SUPT3H: variants seen among roughly 807,000 people sequenced by gnomAD.
SUPT3H encodes the protein SPT3 homolog, SAGA and STAGA complex component.
Under a neutral mutation model 44.3 loss-of-function variants are expected in SUPT3H, and 44 were observed. That is an observed-to-expected ratio of 0.99 (90% CI 0.78 to 1.28). The LOEUF is 1.28. Among genes scored for constraint, SUPT3H ranks in the 50% most tolerant of loss-of-function variants. The pLI is 0.00. For synonymous variants in SUPT3H, 124 were observed against 125.6 expected (o/e 0.99, Z 0.09); for missense variants, 380 against 387.1 (o/e 0.98, Z 0.15).
At chr6:45,276,826 C>T (rs1777109192) in intron 2 of SUPT3H, among the ~76,000 whole-genome samples, 1 of 152,220 alleles carries the variant, frequency 6.6e-6, no homozygotes, top group South Asian at 2.1e-4. Context: ...GAGGACTTAA[C>T]TGTTGCATGC....
chr6:44,858,793 C>T (rs1466497849), intron 10 of SUPT3H, among the ~76,000 whole-genome samples: 1 of 152,112 alleles, frequency 6.6e-6, no homozygotes, highest in African/African-American at 2.4e-5. Context: ...AGCTTTGTTC[C>T]TATGGCTGTC....
chr6:45,014,766 G>A (rs1783994403), intron 5 of SUPT3H, 35 bp downstream of exon 5: 1 of 1,420,926 alleles, frequency 7.0e-7, no homozygotes, highest in Non-Finnish European at 9.6e-7. Flanking sequence ...TGTGTCATAA[G>A]CTCATGTTTT....
intron 1 of SUPT3H, among the ~76,000 whole-genome samples, chr6:45,372,270 T>C (rs189414072): frequency 3.0e-4 from 46 of 152,308 alleles, no homozygotes; most frequent in Admixed American, 2.9e-3. Context: ...ATAGGTTACA[T>C]AAAATAACAT....
intron 10 of SUPT3H, among the ~76,000 whole-genome samples, chr6:44,929,673 A>G (rs190000790): frequency 6.6e-6 from 1 of 152,054 alleles, no homozygotes; most frequent in East Asian, 1.9e-4. Context: ...AAGTGTCCCC[A>G]CTGCAGCTTA....
intron 1 of SUPT3H, chr6:45,371,966 A>C: frequency 1.2e-6 from 1 of 820,078 alleles, no homozygotes; most frequent in Non-Finnish European, 1.5e-6. Flanking sequence ...GCTGGGACTA[A>C]AACTGAGGTC....
At chr6:45,137,528 AAAGAG>A (rs1804501836) in intron 2 of SUPT3H, among the ~76,000 whole-genome samples, 1 of 151,974 alleles carries the variant, frequency 6.6e-6, no homozygotes, top group African/African-American at 2.4e-5. Context: ...ACAGAACAAA[AAAGAG>A]AAGGAGAATA....
intron 6 of SUPT3H, among the ~76,000 whole-genome samples, chr6:45,000,000 T>C (rs1477788717): frequency 1.3e-5 from 2 of 152,012 alleles, no homozygotes; most frequent in East Asian, 3.9e-4. Context: ...TTTCTATTTC[T>C]ATATATGTAT....
intron 3 of SUPT3H, among the ~76,000 whole-genome samples, chr6:45,100,582 C>T (rs934103704): frequency 3.7e-5 from 3 of 80,848 alleles, no homozygotes; most frequent in African/African-American, 1.7e-4. Context: ...AAATAGCCCA[C>T]AGTACATGAA....
At chr6:45,084,900 G>A (rs1796297303) in intron 3 of SUPT3H, among the ~76,000 whole-genome samples, 1 of 152,110 alleles carries the variant, frequency 6.6e-6, no homozygotes, top group Non-Finnish European at 1.5e-5. Flanking sequence ...CTGTTAGTGG[G>A]AGCTAAACAC....
chr6:44,881,868 T>G (rs1186336117), intron 10 of SUPT3H, among the ~76,000 whole-genome samples: 6 of 152,164 alleles, frequency 3.9e-5, no homozygotes, highest in Admixed American at 3.9e-4. Context: ...CAAGAATCTC[T>G]GGGACACAGC....
intron 2 of SUPT3H, among the ~76,000 whole-genome samples, chr6:45,115,717 G>T (rs1249778034): frequency 2.0e-5 from 3 of 152,100 alleles, no homozygotes; most frequent in East Asian, 3.9e-4. Flanking sequence ...ACATGATGAT[G>T]GTGGTGATAA....
At chr6:44,821,250 T>C (rs893473952) in intron 11 of SUPT3H, among the ~76,000 whole-genome samples, 7 of 152,210 alleles carry the variant, frequency 4.6e-5, no homozygotes, top group African/African-American at 1.7e-4. Flanking sequence ...CGAGTACTCA[T>C]GGTATGCACA....
chr6:45,171,993 T>C (rs920435251), intron 2 of SUPT3H, among the ~76,000 whole-genome samples: 4 of 143,308 alleles, frequency 2.8e-5, no homozygotes, highest in African/African-American at 1.0e-4. Context: ...TGGGATTACA[T>C]GCGTGAGCCA....
chr6:45,128,626 A>G (rs553008698), intron 2 of SUPT3H, among the ~76,000 whole-genome samples: 1 of 147,162 alleles, frequency 6.8e-6, no homozygotes, highest in Non-Finnish European at 1.5e-5. Flanking sequence ...ACATATATAT[A>G]CACACACAAT....
chr6:45,336,580 TTTAA>T (rs1233482563), intron 2 of SUPT3H, among the ~76,000 whole-genome samples: 1 of 151,510 alleles, frequency 6.6e-6, no homozygotes, highest in Non-Finnish European at 1.5e-5. Context: ...TGCTAAATTA[TTTAA>T]TTATTAAATG....
intron 2 of SUPT3H, among the ~76,000 whole-genome samples, chr6:45,220,723 C>A (rs1452515919): frequency 2.6e-5 from 4 of 152,118 alleles, no homozygotes; most frequent in Non-Finnish European, 5.9e-5. Flanking sequence ...ACAGAGTGAA[C>A]CCTAGAAGAA....
At chr6:44,995,237 T>C (rs910899440) in intron 6 of SUPT3H, among the ~76,000 whole-genome samples, 4 of 152,064 alleles carry the variant, frequency 2.6e-5, no homozygotes, top group Non-Finnish European at 5.9e-5. Flanking sequence ...TAGATGTTAC[T>C]GCATTTATAC....
chr6:45,107,506 A>G (rs530626024), intron 2 of SUPT3H, among the ~76,000 whole-genome samples: 3 of 152,158 alleles, frequency 2.0e-5, no homozygotes, highest in Non-Finnish European at 4.4e-5. Context: ...AGCTTTGAGT[A>G]GGAGAGGAAA....
At chr6:45,050,278 A>AGTGTGTGT (rs57510967) in intron 3 of SUPT3H, among the ~76,000 whole-genome samples, 11,501 of 147,266 alleles carry the variant, frequency 0.078, 953 homozygotes, top group African/African-American at 0.21. Context: ...CTTTTTCTGC[A>AGTGTGTGT]GTGTGTGTGT....
Sources: gnomAD v4.1 joint callset for allele counts (sites outside exome capture counted in the v4.1 genomes callset) on GRCh38, gnomAD v4.1.1 for gene constraint, MANE v1.5 for transcripts, NCBI Gene and HGNC (gene_info 2026-07-23, HGNC 2026-07-21) for gene names.